The following CNIH2 variants were observed in gnomAD, a reference collection of about 807,000 sequenced individuals.
CNIH2 encodes cornichon family AMPA receptor auxiliary protein 2.
In CNIH2, 8 loss-of-function variants were observed where a neutral mutation model predicts 22.9. The ratio of observed to expected loss-of-function variants is 0.35; its 90% CI spans 0.20 to 0.63. The LOEUF is 0.63. CNIH2 is among the 30% of genes least tolerant of loss of function. The pLI, the probability that CNIH2 is intolerant of heterozygous loss-of-function variation, is 0.72. For synonymous variants in CNIH2, 74 were observed against 78.2 expected, an observed-to-expected ratio of 0.95 and a Z score of 0.28; for missense variants, 105 against 206.2, an observed-to-expected ratio of 0.51 and a Z score of 3.01.
Position 66,283,717 on chromosome 11 carries a change from C to A in CNIH2, c.*120C>A. 2 of 1,131,510 alleles carry A rather than the reference C, an allele frequency of 1.8e-6. No homozygotes were observed. The highest frequency in any genetic ancestry group is 2.5e-6 in the Non-Finnish European group (2 of 797,202). The allele number at this position is 1,131,510 out of a possible 1,614,324, so 70.1% of individuals were successfully genotyped here. ...GGGAGGGGGCACTGGTGCCCCCAGC[C>A]TCTCCAACCCCCAAACTGCTGCTGC... On this transcript the variant is annotated 3_prime_UTR_variant, in exon 6 of 6. Transcript: ENST00000311445.
intron 2 of CNIH2, 63 bp from the exon 3 acceptor site, chr11:66,282,670 T>G: frequency 6.4e-7 from 1 of 1,574,364 alleles, no homozygotes. Context: ...TGTGGAGCGG[T>G]GGGAGCTGCT....
At chr11:66,281,523 A>T (rs1285590715) in intron 1 of CNIH2, 6 of 454,758 alleles carry the variant, frequency 1.3e-5, no homozygotes, top group Non-Finnish European at 2.2e-5. Flanking sequence ...TGACCACCCC[A>T]CTCTGCTGCT....
At chr11:66,279,164 A>C (rs1440380353) in intron 1 of CNIH2, among the ~76,000 whole-genome samples, 3 of 133,286 alleles carry the variant, frequency 2.3e-5, no homozygotes, top group Non-Finnish European at 3.2e-5. Context: ...TTTCCTCTCC[A>C]TTTTCCAGCT....
At chr11:66,282,664 G>T (rs1321861164) in intron 2 of CNIH2, 69 bp from the exon 3 acceptor site, 1 of 1,568,432 alleles carries the variant, frequency 6.4e-7, no homozygotes, top group South Asian at 1.1e-5. Context: ...GCCACATGTG[G>T]AGCGGTGGGA....
rs548572232 is a variant in CNIH2 at position 66,279,476 on chromosome 11, C to G, written c.81+939C>G. On this transcript the variant is annotated intron_variant, in intron 1 of 5. Coordinates refer to ENST00000311445, the MANE Select transcript of CNIH2 (RefSeq NM_182553.3). ...CCCCACCCAAACCCCGTGCCTGTTT[C>G]TGTAACAGCCTGCCCAGCTCGGCCC... 6.9e-4 allele frequency among the ~76,000 whole-genome samples: 93 copies of G among 134,866 alleles called. No individual in the cohort carries two copies. In the South Asian group the frequency reaches 0.023, roughly 33 times the overall value. The allele number at this position is 134,866 out of a possible 152,430, so 88.5% of individuals were successfully genotyped here.
At chr11:66,279,841 C>T (rs922738010) in intron 1 of CNIH2, among the ~76,000 whole-genome samples, 1 of 152,220 alleles carries the variant, frequency 6.6e-6, no homozygotes, top group African/African-American at 2.4e-5. Context: ...CCAGCCCTGT[C>T]ACTCCTTGGC....
In CNIH2 at chr11:66,278,205, G is replaced by A. The variant is rs1857190061; in HGVS notation, c.-252G>A. ...GCCGGCTTCGCGGGCTGGAGAGCGA[G>A]GGAGCCGCGGGCGAGGGATCGCAGG... On this transcript the variant is annotated 5_prime_UTR_variant, in exon 1 of 6. Coordinates refer to ENST00000311445, the MANE Select transcript of CNIH2 (RefSeq NM_182553.3). 1 of 148,020 alleles carries A rather than the reference G, an allele frequency of 6.8e-6. No homozygotes were observed. The highest frequency in any genetic ancestry group is 1.5e-5 in the Non-Finnish European group (1 of 66,418). 9.2% of individuals were successfully genotyped at this position (148,020 alleles called of 1,614,324 possible).
chr11:66,282,113 C>G, intron 1 of CNIH2, 146 bp from the exon 2 acceptor site: 2 of 717,220 alleles, frequency 2.8e-6, no homozygotes, highest in Non-Finnish European at 5.0e-6. Flanking sequence ...TGGACCAGGC[C>G]CTGCTCCTCC....
rs975219359 is a variant in CNIH2, at chr11:66,283,629, C to T, written c.*32C>T. ...AGCCGGCCAGGGAGCGAGCCCAGAA[C>T]GGACCGGACGCCTGTGCACCCCCAG... is the stretch of plus-strand genomic sequence containing the variant. On this transcript the variant is annotated 3_prime_UTR_variant, in exon 6 of 6. Transcript: ENST00000311445. The T allele has an allele frequency of 4.5e-5, 70 of 1,556,380 alleles. No homozygotes were observed. Among genetic ancestry groups the T allele is most frequent in the South Asian group, 5.9e-5 (5 of 84,724 alleles).
intron 1 of CNIH2, among the ~76,000 whole-genome samples, chr11:66,281,222 G>A (rs1033394251): frequency 3.3e-5 from 5 of 152,142 alleles, no homozygotes; most frequent in African/African-American, 1.2e-4. Context: ...GGTCTGGCCT[G>A]AGTATGACAC....
At chr11:66,278,920 C>G (rs1286468816) in intron 1 of CNIH2, among the ~76,000 whole-genome samples, 5 of 97,554 alleles carry the variant, frequency 5.1e-5, no homozygotes, top group Non-Finnish European at 1.2e-4. Flanking sequence ...CTGCTGCCCC[C>G]CCCCCCCCGC....
intron 1 of CNIH2, among the ~76,000 whole-genome samples, chr11:66,280,655 C>CG (rs1287470515): frequency 6.6e-6 from 1 of 152,158 alleles, no homozygotes; most frequent in East Asian, 1.9e-4. Context: ...TGACGCCCGC[C>CG]GCCTGCTGGT....
Position 66,282,714 on chromosome 11 carries a change from C to A in CNIH2, c.151-19C>A, listed in dbSNP as rs1356417115. 2 of 1,613,708 alleles carry A rather than the reference C, an allele frequency of 1.2e-6. No homozygotes were observed. Among genetic ancestry groups the A allele is most frequent in the Admixed American group, 3.3e-5 (2 of 60,004 alleles). ...TGCTTCTCCGCCACCCCATCGCGGC[C>A]TTTTCCTTCCCCCAACAGCGCGAGC... On this transcript the variant is annotated intron_variant, in intron 2 of 5. Coordinates refer to ENST00000311445, the MANE Select transcript of CNIH2 (RefSeq NM_182553.3).
Position 66,278,922 on chromosome 11 carries a change from C to A in CNIH2, c.81+385C>A, listed in dbSNP as rs995623315. On this transcript the variant is annotated intron_variant, in intron 1 of 5. Coordinates refer to ENST00000311445, the MANE Select transcript of CNIH2 (RefSeq NM_182553.3). ...GCAGTTTGTCTGTCTGCTGCCCCCC[C>A]CCCCCCGCCTTTGTGGGTTTTTCCA... Among the ~76,000 whole-genome samples, 8 of 102,802 alleles carry A rather than the reference C, an allele frequency of 7.8e-5. 1 individual carries two copies. Among genetic ancestry groups the A allele is most frequent in the African/African-American group, 1.4e-4 (4 of 28,088 alleles). 67.4% of individuals were successfully genotyped at this position (102,802 alleles called of 152,430 possible).
Position 66,283,278 on chromosome 11 carries a change from G to C in CNIH2, c.342G>C (p.Glu114Asp). The change falls in exon 5 of 6, where the codon GAG becomes GAC. Residue 114 changes from glutamate to aspartate, a missense_variant. By Grantham distance (45) the Glu-to-Asp change is conservative (BLOSUM62 2). Coordinates refer to ENST00000311445, the MANE Select transcript of CNIH2 (RefSeq NM_182553.3). ...RYFHRPADGS[E>D]VMYDAVSIMN... ...TCCACCGTCCTGCAGATGGCTCTGA[G>C]GTCATGTATGATGCGGTCTCCATCA... The C allele has an allele frequency of 6.2e-7, 1 of 1,614,116 alleles. No homozygotes were observed. Among genetic ancestry groups the C allele is most frequent in the Non-Finnish European group, 8.5e-7 (1 of 1,180,012 alleles).
intron 1 of CNIH2, among the ~76,000 whole-genome samples, chr11:66,279,981 TG>T (rs1346494710): frequency 3.3e-5 from 5 of 152,176 alleles, no homozygotes; most frequent in Non-Finnish European, 7.4e-5. Context: ...TGGAGGGAGC[TG>T]GGGGCCACAG....
chr11:66,281,935 G>A (rs1007747530), intron 1 of CNIH2, among the ~76,000 whole-genome samples: 1 of 152,062 alleles, frequency 6.6e-6, no homozygotes, highest in Non-Finnish European at 1.5e-5. Flanking sequence ...CCTGGGCAGG[G>A]GCTGCATCCC....
rs116598987 is a variant in CNIH2, at chr11:66,282,212, C to T, written c.82-47C>T. 5.9e-4 allele frequency: 901 copies of T among 1,516,214 alleles called. 6 individuals are homozygous for T. The African/African-American group carries it at 0.011, about 18-fold the overall frequency. The allele number at this position is 1,516,214 out of a possible 1,614,324, so 93.9% of individuals were successfully genotyped here. A position where few individuals can be genotyped will look rare whatever the true frequency, so the allele number is the denominator to read the frequency against. The stretch of plus-strand genomic sequence containing the variant: ...TCCCACAGAAGGACTTGGGGGAAGG[C>T]CATAAGCTGCTGCCCCAACCCTGAC... On this transcript the variant is annotated intron_variant, in intron 1 of 5. Coordinates refer to ENST00000311445, the MANE Select transcript of CNIH2 (RefSeq NM_182553.3).
intron 1 of CNIH2, among the ~76,000 whole-genome samples, chr11:66,279,586 C>T (rs577715610): frequency 6.6e-6 from 1 of 152,052 alleles, no homozygotes; most frequent in Non-Finnish European, 1.5e-5. Context: ...TCCTCTTATC[C>T]CTCCCTCAAT....
Sources: allele counts gnomAD v4.1 joint callset (sites outside exome capture counted in the v4.1 genomes callset), GRCh38; gene constraint gnomAD v4.1.1; transcripts MANE v1.5; gene names NCBI Gene and HGNC (gene_info 2026-07-23, HGNC 2026-07-21).